Variants in TTBK2 observed in about 807,000 individuals in gnomAD.
TTBK2 encodes the protein tau tubulin kinase 2.
A neutral mutation model predicts 110.8 loss-of-function variants in TTBK2; 28 were observed. The observed-to-expected ratio is 0.25, with a 90% CI of 0.19 to 0.35. The LOEUF (loss-of-function observed/expected upper bound fraction) is 0.35, where lower values mean the gene tolerates loss of function less well. Ranked by LOEUF, TTBK2 falls within the 10% of genes least tolerant of loss-of-function variation. The pLI is 1.00. For synonymous variants in TTBK2, 532 were observed against 527.3 expected (o/e 1.01, Z -0.12); for missense variants, 1,369 against 1,500.3 (o/e 0.91, Z 1.45).
At chr15:42,828,153 T>C (rs1892608257) in intron 5 of TTBK2, 121 bp from the exon 6 acceptor site, 4 of 747,650 alleles carry the variant, frequency 5.4e-6, no homozygotes, top group Admixed American at 2.5e-5. Context: ...GTTCCAAATA[T>C]ACTATTCTAG....
chr15:42,879,442 A>T (rs549586687), intron 1 of TTBK2, among the ~76,000 whole-genome samples: 98 of 152,312 alleles, frequency 6.4e-4, no homozygotes, highest in African/African-American at 2.3e-3. Context: ...ATAAGCCAAA[A>T]CTTAATGAAA....
chr15:42,778,180 TTAAA>T (rs948745705), intron 11 of TTBK2, among the ~76,000 whole-genome samples: 36 of 151,518 alleles, frequency 2.4e-4, no homozygotes, highest in South Asian at 8.3e-4. Flanking sequence ...GCATAAATGT[TTAAA>T]TAAATAAAGG....
At chr15:42,757,349 G>T (rs28437884) in intron 13 of TTBK2, among the ~76,000 whole-genome samples, 9,059 of 152,086 alleles carry the variant, frequency 0.06, 622 homozygotes, top group African/African-American at 0.18. Context: ...GGGCTCAAGA[G>T]ATCTTCCTGA....
chr15:42,752,231 C>T lies in TTBK2; in HGVS notation c.3015G>A (p.Glu1005=). 3.7e-6 allele frequency: 6 copies of T among 1,614,054 alleles called. No homozygotes were observed. The highest frequency in any genetic ancestry group is 5.1e-6 in the Non-Finnish European group (6 of 1,179,980). Residue 1005 remains glutamate, a synonymous_variant, in exon 14 of 15, where the codon GAG becomes GAA. Coordinates refer to ENST00000267890, the MANE Select transcript of TTBK2 (RefSeq NM_173500.4). ...AGGGAGCAGGAACAGTAGCTAGTTT[C>T]TCCTCTAGCAATTTATCAGAGGCAC... ...LSSASDKLLE[E]KLATVPAPFC... is the part of the protein sequence containing the mutation.
chr15:42,752,702 T>A lies in TTBK2; in HGVS notation c.2544A>T (p.Thr848=). ...DKNNEIMKLL[T]VGTSEISSRD... Reference sequence around the variant, plus strand: ...TGGAAGAAATTTCTGAAGTTCCAACTGTCAGAAGCTTCATTATCTCATTAT... The same window carrying A: ...TGGAAGAAATTTCTGAAGTTCCAACAGTCAGAAGCTTCATTATCTCATTAT... The change falls in exon 14 of 15, where the codon ACA becomes ACT. Residue 848 remains threonine (T), a synonymous_variant. Coordinates refer to ENST00000267890, the MANE Select transcript of TTBK2 (RefSeq NM_173500.4). 6.2e-7 allele frequency: 1 copy of A among 1,614,158 alleles called. No homozygotes were observed. The highest frequency in any genetic ancestry group is 8.5e-7 in the Non-Finnish European group (1 of 1,180,028).
intron 13 of TTBK2, among the ~76,000 whole-genome samples, chr15:42,762,816 C>A (rs2140665185): frequency 6.6e-6 from 1 of 151,918 alleles, no homozygotes; most frequent in South Asian, 2.1e-4. Context: ...TTCATGGCAA[C>A]ATGGATGGCA....
At chr15:42,911,063 T>C (rs994718447) in intron 1 of TTBK2, among the ~76,000 whole-genome samples, 1 of 131,662 alleles carries the variant, frequency 7.6e-6, no homozygotes, top group Admixed American at 7.5e-5. Context: ...AAAAAAACGG[T>C]GAAAAAATAG....
At chr15:42,911,229 T>A (rs1486137340) in intron 1 of TTBK2, among the ~76,000 whole-genome samples, 1 of 152,172 alleles carries the variant, frequency 6.6e-6, no homozygotes, top group Non-Finnish European at 1.5e-5. Flanking sequence ...GCCACACATT[T>A]CTCCCATTCC....
chr15:42,752,208 G>A lies in TTBK2; in HGVS notation c.3038C>T (p.Pro1013Leu). 6.2e-7 allele frequency: 1 copy of A among 1,614,106 alleles called. No homozygotes were observed. The highest frequency in any genetic ancestry group is 1.1e-5 in the South Asian group (1 of 91,076). Residue 1013 changes from proline to leucine, a missense_variant, in exon 14 of 15, where the codon CCC (proline) becomes CTC (leucine). Pro to Leu is a moderately conservative substitution (Grantham distance 98, BLOSUM62 -3). Coordinates refer to ENST00000267890, the MANE Select transcript of TTBK2 (RefSeq NM_173500.4). Reference sequence around the variant, plus strand: ...AGTGAGCACTTCCTCCTCACAAAAGGGAGCAGGAACAGTAGCTAGTTTCTC... The same window carrying A: ...AGTGAGCACTTCCTCCTCACAAAAGAGAGCAGGAACAGTAGCTAGTTTCTC... Reference protein sequence around the residue: ...LEEKLATVPAPFCEEEVLTPF... With the variant: ...LEEKLATVPALFCEEEVLTPF...
intron 6 of TTBK2, 63 bp downstream of exon 6, chr15:42,827,865 A>AGT: frequency 7.5e-7 from 1 of 1,333,474 alleles, no homozygotes; most frequent in Non-Finnish European, 1.1e-6. Flanking sequence ...TTGTTTAAAA[A>AGT]GTGTGATACT....
In TTBK2 at chr15:42,801,045, G is replaced by A. The variant is rs191241739; in HGVS notation, c.823-6244C>T. On this transcript the variant is annotated intron_variant, in intron 9 of 14. Coordinates refer to ENST00000267890, the MANE Select transcript of TTBK2 (RefSeq NM_173500.4). ...CTTCTTCATGACCACGGCCCTGGAG[G>A]AGCTGGTGTGGCTGAAGGAGCTGGA... is the stretch of plus-strand genomic sequence containing the variant. The A allele has an allele frequency of 1.6e-3, 1,217 of 767,176 alleles. 24 individuals are homozygous for A. The East Asian group carries it at 0.025, about 15-fold the overall frequency. The allele number at this position is 767,176 out of a possible 1,614,324, so 47.5% of individuals were successfully genotyped here. A position where few individuals can be genotyped will look rare whatever the true frequency, so the allele number is the denominator to read the frequency against.
At chr15:42,852,658 C>A (rs1893766575) in intron 3 of TTBK2, among the ~76,000 whole-genome samples, 1 of 152,144 alleles carries the variant, frequency 6.6e-6, no homozygotes, top group African/African-American at 2.4e-5. Context: ...CTCTACATGT[C>A]ATTTTTCTAA....
intron 13 of TTBK2, among the ~76,000 whole-genome samples, chr15:42,764,556 G>A (rs1480094684): frequency 1.3e-5 from 2 of 152,244 alleles, no homozygotes; most frequent in African/African-American, 2.4e-5. Context: ...GCAGGGGGAG[G>A]GGCGTCTGCC....
rs1398190958 is a variant in TTBK2, at chr15:42,745,629, G to GT, written c.*165dup. On this transcript the variant is annotated 3_prime_UTR_variant, in exon 15 of 15. Coordinates refer to ENST00000267890, the MANE Select transcript of TTBK2 (RefSeq NM_173500.4). ...CTAATCTACTTGCTGCCTGCCTTAG[G>GT]TAATTCCTTATCATGTATTATGTCT... 5 of 849,406 alleles carry GT rather than the reference G, an allele frequency of 5.9e-6. No individual in the cohort carries two copies. The African/African-American group carries it at 8.4e-5, about 14-fold the overall frequency. The allele number at this position is 849,406 out of a possible 1,614,324, so 52.6% of individuals were successfully genotyped here.
chr15:42,864,402 T>C (rs1436040680), intron 3 of TTBK2, among the ~76,000 whole-genome samples: 2 of 151,802 alleles, frequency 1.3e-5, no homozygotes, highest in South Asian at 4.2e-4. Context: ...CTGACCAACA[T>C]GGAAAAACCC....
At chr15:42,753,601 G>A (rs1330380768) in intron 13 of TTBK2, among the ~76,000 whole-genome samples, 1 of 152,212 alleles carries the variant, frequency 6.6e-6, no homozygotes, top group Non-Finnish European at 1.5e-5. Flanking sequence ...CAATCAGAGG[G>A]TTAGAGGAAA....
intron 3 of TTBK2, among the ~76,000 whole-genome samples, chr15:42,868,461 T>C (rs1894473420): frequency 6.6e-6 from 1 of 152,234 alleles, no homozygotes; most frequent in South Asian, 2.1e-4. Context: ...GCAGGCAATA[T>C]ATAGGATACC....
chr15:42,773,912 G>C (rs903916393), intron 13 of TTBK2, among the ~76,000 whole-genome samples: 1 of 152,198 alleles, frequency 6.6e-6, no homozygotes, highest in Non-Finnish European at 1.5e-5. Context: ...CCTGTGCCAA[G>C]ATGCACAGTT....
chr15:42,917,013 A>G (rs1204069933), intron 1 of TTBK2, among the ~76,000 whole-genome samples: 5 of 152,216 alleles, frequency 3.3e-5, no homozygotes, highest in Non-Finnish European at 7.3e-5. Context: ...TTCTGAAAAC[A>G]TGGTTAAATC....
Sources: allele counts gnomAD v4.1 joint callset (sites outside exome capture counted in the v4.1 genomes callset), GRCh38; gene constraint gnomAD v4.1.1; transcripts MANE v1.5; gene names NCBI Gene and HGNC (gene_info 2026-07-23, HGNC 2026-07-21).